MINAR2: variants seen among roughly 807,000 people sequenced by gnomAD.
MINAR2 encodes major intrinsically disordered NOTCH2-binding receptor 1-like.
MINAR2 carries 21 observed loss-of-function variants against 16.1 expected under a neutral mutation model. The observed-to-expected ratio is 1.31, with a 90% confidence interval of 0.93 to 1.88. The LOEUF (loss-of-function observed/expected upper bound fraction) is 1.88, where lower values mean the gene tolerates loss of function less well. Among genes scored for constraint, MINAR2 ranks in the 40% most tolerant of loss-of-function variants. The probability of loss-of-function intolerance (pLI) is 0.00; values close to 1 mark genes in which losing one functional copy is unlikely to be tolerated. For synonymous variants in MINAR2, 86 were observed against 83.0 expected (o/e 1.04, Z -0.20); for missense variants, 259 against 229.8 (o/e 1.13, Z -0.82).
At chr5:129,758,957 A>G (rs2149546225) in intron 1 of MINAR2, among the ~76,000 whole-genome samples, 1 of 151,786 alleles carries the variant, frequency 6.6e-6, no homozygotes, top group Non-Finnish European at 1.5e-5. Context: ...AACTCAGAGA[A>G]GGGTCTGCAA....
At chr5:129,755,128 G>T (rs1371593077) in intron 1 of MINAR2, among the ~76,000 whole-genome samples, 1 of 151,714 alleles carries the variant, frequency 6.6e-6, no homozygotes, top group African/African-American at 2.4e-5. Flanking sequence ...CTGTTAATGT[G>T]GTAAATTTCA....
chr5:129,761,079 G>A (rs1387484637), intron 2 of MINAR2, among the ~76,000 whole-genome samples: 1 of 152,132 alleles, frequency 6.6e-6, no homozygotes, highest in Non-Finnish European at 1.5e-5. Flanking sequence ...TAAGATTGCA[G>A]ATTTACATTT....
intron 1 of MINAR2, among the ~76,000 whole-genome samples, chr5:129,759,923 G>A (rs1160835252): frequency 6.6e-6 from 1 of 152,110 alleles, no homozygotes; most frequent in Non-Finnish European, 1.5e-5. Flanking sequence ...GATAGTATTT[G>A]TGAAAGTCGA....
At position 129,748,306 on chromosome 5, in the gene MINAR2, G is replaced by A. The variant is rs1438204394; in HGVS notation, c.116G>A (p.Gly39Asp). The part of the protein sequence containing the change: ...LLQASLVRFP[G>D]GNYPAAQHWQ... The stretch of plus-strand genomic sequence containing the variant: ...CAGGCCAGCCTGGTGAGGTTTCCGG[G>A]TGGAAATTATCCTGCTGCACAACAC... The change falls in exon 1 of 3, where the codon GGT becomes GAT. Residue 39 changes from glycine to aspartate, a missense_variant. Gly to Asp is a moderately conservative substitution (Grantham distance 94). Transcript: ENST00000564719. The A allele has an allele frequency of 5.2e-6, 8 of 1,535,042 alleles. No individual in the cohort carries two copies.
rs1458401886 is a variant in MINAR2, at chr5:129,760,617, T to C, written c.393+12T>C. 8.2e-5 allele frequency: 124 copies of C among 1,521,236 alleles called. No individual in the cohort carries two copies. Among genetic ancestry groups the C allele is most frequent in the Non-Finnish European group, 1.1e-4 (123 of 1,134,108 alleles). The allele number at this position is 1,521,236 out of a possible 1,614,324, so 94.2% of individuals were successfully genotyped here. ...CTGGACATCTGAAGGTACTCACGAC[T>C]AAGAGTCAACCTCTTCAACTGATAA... On this transcript the variant is annotated intron_variant, in intron 2 of 2. Transcript: ENST00000564719.
chr5:129,753,882 C>A (rs12656821), intron 1 of MINAR2, among the ~76,000 whole-genome samples: 143,418 of 152,150 alleles, frequency 0.94, 67,698 homozygotes, highest in East Asian at 1. Context: ...ACAATACAAT[C>A]ATTTCTCCTT....
intron 2 of MINAR2, among the ~76,000 whole-genome samples, chr5:129,762,921 C>G (rs1758156972): frequency 6.6e-6 from 1 of 151,820 alleles, no homozygotes; most frequent in African/African-American, 2.4e-5. Context: ...TCAGGAGTAG[C>G]AAGAGCAAAG....
chr5:129,756,141 C>T (rs1216947891), intron 1 of MINAR2, among the ~76,000 whole-genome samples: 1 of 151,862 alleles, frequency 6.6e-6, no homozygotes, highest in African/African-American at 2.4e-5. Context: ...ACTAAGTTGT[C>T]AATGGTCGAA....
rs146703247 is a variant in MINAR2 at position 129,759,441 on chromosome 5, T to C, written c.166-937T>C. ...AATGAACAAATTTTAATTTCCAAAA[T>C]GAACAAATTTTTAATTTCTACCTTC... On this transcript the variant is annotated intron_variant, in intron 1 of 2. Coordinates refer to ENST00000564719, the MANE Select transcript of MINAR2 (RefSeq NM_001257308.2). Among the ~76,000 whole-genome samples, 613 of 152,248 alleles carry C rather than the reference T, an allele frequency of 4.0e-3. 9 individuals carry two copies. Among genetic ancestry groups the C allele is most frequent in the Middle Eastern group, 0.02 (6 of 294 alleles).
At chr5:129,749,799 A>G (rs1757964356) in intron 1 of MINAR2, among the ~76,000 whole-genome samples, 1 of 152,172 alleles carries the variant, frequency 6.6e-6, no homozygotes, top group Non-Finnish European at 1.5e-5. Context: ...TTCATGTGGA[A>G]CTTCACAGTT....
At chr5:129,762,987 A>G (rs1043680800) in intron 2 of MINAR2, among the ~76,000 whole-genome samples, 1 of 152,208 alleles carries the variant, frequency 6.6e-6, no homozygotes, top group Non-Finnish European at 1.5e-5. Flanking sequence ...ATAAGGCTAG[A>G]AAATAAAGCT....
At chr5:129,756,986 A>G (rs1193515431) in intron 1 of MINAR2, among the ~76,000 whole-genome samples, 2 of 148,956 alleles carry the variant, frequency 1.3e-5, no homozygotes, top group African/African-American at 4.9e-5. Context: ...ATATGTATAT[A>G]CACACATATA....
At chr5:129,754,767 GC>G (rs1417490330) in intron 1 of MINAR2, among the ~76,000 whole-genome samples, 2 of 151,954 alleles carry the variant, frequency 1.3e-5, no homozygotes, top group African/African-American at 4.8e-5. Flanking sequence ...CATCTATTTT[GC>G]CCATAAACAT....
chr5:129,757,245 A>T (rs965848613), intron 1 of MINAR2, among the ~76,000 whole-genome samples: 1 of 151,956 alleles, frequency 6.6e-6, no homozygotes, highest in Admixed American at 6.6e-5. Flanking sequence ...AATGGACATA[A>T]AACATGTGGC....
chr5:129,758,391 C>T (rs1316122126), intron 1 of MINAR2, among the ~76,000 whole-genome samples: 4 of 152,030 alleles, frequency 2.6e-5, no homozygotes, highest in South Asian at 2.1e-4. Flanking sequence ...AATTTTCCTT[C>T]GTCTGTCTCT....
chr5:129,751,572 A>G (rs1757985521), intron 1 of MINAR2, among the ~76,000 whole-genome samples: 1 of 152,198 alleles, frequency 6.6e-6, no homozygotes, highest in Non-Finnish European at 1.5e-5. Context: ...TGTAGTTCCC[A>G]TCTATGCAGA....
rs1357742394 is a variant in MINAR2, at chr5:129,748,346, C to T, written c.156C>T (p.Val52=). Residue 52 remains valine (V), a synonymous_variant, in exon 1 of 3, where the codon GTC becomes GTT. Transcript: ENST00000564719. ...CTGCACAACACTGGCAAAACCTTGT[C>T]TACTCACAGGTAAGATCTAGGGGCA... ...YPAAQHWQNL[V]YSQREKKNIA... is the part of the protein sequence containing the mutation. The T allele has an allele frequency of 1.3e-6, 2 of 1,534,854 alleles. No individual in the cohort carries two copies. Among genetic ancestry groups the T allele is most frequent in the South Asian group, 2.4e-5 (2 of 83,992 alleles).
Position 129,765,186 on chromosome 5 carries a change from T to C in MINAR2, c.*123T>C. On this transcript the variant is annotated 3_prime_UTR_variant, in exon 3 of 3. Transcript: ENST00000564719. ...CATGCAGTGTGAATGGATTGTTGAT[T>C]GTATTATTAAATGTAATTGTCCTGA... The C allele has an allele frequency of 2.1e-6, 1 of 481,232 alleles. No homozygotes were observed. The highest frequency in any genetic ancestry group is 3.3e-6 in the Non-Finnish European group (1 of 300,254). The allele number at this position is 481,232 out of a possible 1,614,324, so 29.8% of individuals were successfully genotyped here.
intron 2 of MINAR2, among the ~76,000 whole-genome samples, chr5:129,762,953 G>T (rs1476083371): frequency 6.6e-6 from 1 of 152,130 alleles, no homozygotes; most frequent in Non-Finnish European, 1.5e-5. Flanking sequence ...GGAGATACAG[G>T]TTAAGTAACA....
Sources: gnomAD v4.1 joint callset for allele counts (sites outside exome capture counted in the v4.1 genomes callset) on GRCh38, gnomAD v4.1.1 for gene constraint, MANE v1.5 for transcripts, NCBI Gene and HGNC (gene_info 2026-07-23, HGNC 2026-07-21) for gene names.